The following COMMD10 variants were observed in gnomAD, a reference collection of about 807,000 sequenced individuals.
The protein encoded by COMMD10 is COMM domain containing 10.
In COMMD10, 33 loss-of-function variants were observed where a neutral mutation model predicts 28.9. That is an observed-to-expected ratio of 1.14 (90% confidence interval 0.87 to 1.53). The LOEUF (loss-of-function observed/expected upper bound fraction) is 1.53, where lower values mean the gene tolerates loss of function less well. Ranked by LOEUF, COMMD10 falls within the 40% of genes most tolerant of loss-of-function variation. The probability of loss-of-function intolerance (pLI) is 0.00; values close to 1 mark genes in which losing one functional copy is unlikely to be tolerated. For missense variants in COMMD10, 310 were observed against 233.4 expected, an observed-to-expected ratio of 1.33 and a Z score of -2.14; for synonymous variants, 110 against 81.7, an observed-to-expected ratio of 1.35 and a Z score of -1.87.
chr5:116,128,130 TC>T (rs1429514831), intron 4 of COMMD10, among the ~76,000 whole-genome samples: 1 of 152,202 alleles, frequency 6.6e-6, no homozygotes, highest in African/African-American at 2.4e-5. Context: ...ATTTACATTT[TC>T]TTTTCCTATT....
chr5:116,199,249 G>A (rs538242457), intron 5 of COMMD10, among the ~76,000 whole-genome samples: 62 of 152,164 alleles, frequency 4.1e-4, no homozygotes, highest in African/African-American at 1.4e-3. Flanking sequence ...TTTGGCATCT[G>A]TGTAACTTCT....
At chr5:116,138,709 G>A (rs78465528) in intron 5 of COMMD10, among the ~76,000 whole-genome samples, 10,060 of 151,566 alleles carry the variant, frequency 0.066, 456 homozygotes, top group Admixed American at 0.12. Context: ...ATTATAATCA[G>A]ATTGCAGAAA....
chr5:116,240,474 CTCAAATATTTAAAATGCTTTCTAG>C, intron 5 of COMMD10, among the ~76,000 whole-genome samples: 1 of 152,096 alleles, frequency 6.6e-6, no homozygotes, highest in South Asian at 2.1e-4. Context: ...ATTGTGTTAC[CTCAAATATTTAAAATGCTTTCTAG>C]TCAAATATTT....
At chr5:116,097,898 G>T (rs1750519102) in intron 4 of COMMD10, among the ~76,000 whole-genome samples, 1 of 152,052 alleles carries the variant, frequency 6.6e-6, no homozygotes, top group Admixed American at 6.6e-5. Context: ...TGAAGGGATG[G>T]TGCTAAAGCA....
chr5:116,190,495 AC>A (rs1187956617), intron 5 of COMMD10, among the ~76,000 whole-genome samples: 1 of 152,138 alleles, frequency 6.6e-6, no homozygotes, highest in Non-Finnish European at 1.5e-5. Context: ...TATTTTAAAA[AC>A]TATTTCTAAT....
chr5:116,221,382 TTC>T (rs1277337835), intron 5 of COMMD10, among the ~76,000 whole-genome samples: 1 of 152,184 alleles, frequency 6.6e-6, no homozygotes, highest in African/African-American at 2.4e-5. Flanking sequence ...ATTAAATTCT[TTC>T]TGTGTTACAA....
At chr5:116,126,841 A>G (rs1320021215) in intron 4 of COMMD10, among the ~76,000 whole-genome samples, 1 of 152,226 alleles carries the variant, frequency 6.6e-6, no homozygotes, top group African/African-American at 2.4e-5. Flanking sequence ...AACCTAGGCA[A>G]TACCATTCAG....
chr5:116,120,878 G>A (rs1490771477), intron 4 of COMMD10, among the ~76,000 whole-genome samples: 1 of 151,350 alleles, frequency 6.6e-6, no homozygotes, highest in East Asian at 1.9e-4. Context: ...CCTAATTAAT[G>A]TTTATCTGTG....
intron 5 of COMMD10, among the ~76,000 whole-genome samples, chr5:116,156,576 A>T (rs1378470891): frequency 2.0e-5 from 3 of 152,054 alleles, no homozygotes; most frequent in African/African-American, 7.2e-5. Context: ...TATCTATAGA[A>T]AGTTGGGGGC....
chr5:116,209,898 A>G (rs536769881), intron 5 of COMMD10, among the ~76,000 whole-genome samples: 20 of 152,156 alleles, frequency 1.3e-4, no homozygotes, highest in Non-Finnish European at 2.8e-4. Context: ...TGGTGCAATA[A>G]TAATACTACA....
At position 116,258,531 on chromosome 5, in the gene COMMD10, G is replaced by T. The variant is rs139909237; in HGVS notation, c.511-32986G>T. Among the ~76,000 whole-genome samples the T allele has an allele frequency of 4.0e-5, 6 of 151,452 alleles. No homozygotes were observed. The East Asian group carries it at 1.2e-3, about 29-fold the overall frequency. ...GTATTAAACTAGCCTGTTTTTGCAT[G>T]ACTGAAAATGTATATTTATTCTCAC... On this transcript the variant is annotated intron_variant, in intron 5 of 6. Coordinates refer to ENST00000274458, the MANE Select transcript of COMMD10 (RefSeq NM_016144.4).
intron 5 of COMMD10, among the ~76,000 whole-genome samples, chr5:116,284,596 C>A (rs1751169768): frequency 6.6e-6 from 1 of 151,802 alleles, no homozygotes; most frequent in Non-Finnish European, 1.5e-5. Context: ...CAGTGGTAGG[C>A]AGGAAGCACA....
Position 116,293,097 on chromosome 5 carries a change from G to T in COMMD10, c.*608G>T. 1 of 396,490 alleles carries T rather than the reference G, an allele frequency of 2.5e-6. No homozygotes were observed. The allele number at this position is 396,490 out of a possible 1,614,324, so 24.6% of individuals were successfully genotyped here. A position where few individuals can be genotyped will look rare whatever the true frequency, so the allele number is the denominator to read the frequency against. On this transcript the variant is annotated 3_prime_UTR_variant, in exon 7 of 7. Transcript: ENST00000274458. ...GTTTAATGATTTAATAATAGTCCAG[G>T]TTTTTGTGTGTTTTTCTTTATACTG... is the stretch of plus-strand genomic sequence containing the variant.
At chr5:116,250,545 GAC>G (rs1415064726) in intron 5 of COMMD10, among the ~76,000 whole-genome samples, 1 of 151,686 alleles carries the variant, frequency 6.6e-6, no homozygotes, top group African/African-American at 2.4e-5. Flanking sequence ...TATCCTTCCT[GAC>G]ACCTCACCTC....
At position 116,127,183 on chromosome 5, in the gene COMMD10, C is replaced by T. The variant is rs1751684324; in HGVS notation, c.400-6885C>T. Among the ~76,000 whole-genome samples, 3 of 152,318 alleles carry T rather than the reference C, an allele frequency of 2.0e-5. No individual in the cohort carries two copies. In the South Asian group the frequency reaches 6.2e-4, roughly 32 times the overall value. ...AACAGACACATGAAAAAATGTTCAT[C>T]ATCACTGGCCATCAGAGAAATGCAA... On this transcript the variant is annotated intron_variant, in intron 4 of 6. Transcript: ENST00000274458.
intron 5 of COMMD10, among the ~76,000 whole-genome samples, chr5:116,177,516 G>C (rs567087204): frequency 7.1e-5 from 9 of 126,876 alleles, no homozygotes; most frequent in Non-Finnish European, 1.3e-4. Context: ...TGCTTAAAAT[G>C]TCTAAGTGAC....
At chr5:116,258,692 T>A (rs569043628) in intron 5 of COMMD10, among the ~76,000 whole-genome samples, 2 of 151,790 alleles carry the variant, frequency 1.3e-5, no homozygotes, top group African/African-American at 4.9e-5. Context: ...TGTACCACTG[T>A]AGATGACCCT....
chr5:116,284,121 G>A (rs1049632434), intron 5 of COMMD10, among the ~76,000 whole-genome samples: 1 of 151,652 alleles, frequency 6.6e-6, no homozygotes, highest in Non-Finnish European at 1.5e-5. Context: ...AACAGAGCAA[G>A]ACCCCATCTC....
chr5:116,229,808 A>T (rs563660483), intron 5 of COMMD10, among the ~76,000 whole-genome samples: 3 of 152,168 alleles, frequency 2.0e-5, no homozygotes, highest in South Asian at 4.1e-4. Flanking sequence ...ACATAAAGTA[A>T]CATAGCCTGA....
Sources: gnomAD v4.1 joint callset for allele counts (sites outside exome capture counted in the v4.1 genomes callset) on GRCh38, gnomAD v4.1.1 for gene constraint, MANE v1.5 for transcripts, NCBI Gene and HGNC (gene_info 2026-07-23, HGNC 2026-07-21) for gene names.